RAB44: variants seen among roughly 807,000 people sequenced by gnomAD.
RAB44 encodes the protein ras-related protein Rab-44.
A neutral mutation model predicts 93.3 loss-of-function variants in RAB44; 67 were observed. That is an observed-to-expected ratio of 0.72 (90% CI 0.59 to 0.88). The LOEUF is 0.88. Among genes scored for constraint, RAB44 ranks in the 40% least tolerant of loss-of-function variants. RAB44 has a pLI of 0.00. For synonymous variants in RAB44, 427 were observed against 520.3 expected, an observed-to-expected ratio of 0.82 and a Z score of 2.44; for missense variants, 1,064 against 1,261.7, an observed-to-expected ratio of 0.84 and a Z score of 2.37.
rs564611550 is a variant in RAB44 at position 36,718,090 on chromosome 6, G to T, written c.704G>T (p.Arg235Leu). 4.1e-6 allele frequency: 5 copies of T among 1,232,218 alleles called. No homozygotes were observed. Among genetic ancestry groups the T allele is most frequent in the Non-Finnish European group, 5.1e-6 (5 of 988,136 alleles). The allele number at this position is 1,232,218 out of a possible 1,614,324, so 76.3% of individuals were successfully genotyped here. The stretch of plus-strand genomic sequence containing the variant: ...TATGAGGAGATGGAGCAGCAGATCC[G>T]CCAGGAGAAGCAGCAGCTGCAGGCT... ...QLYEEMEQQI[R>L]QEKQQLQAES... Residue 235 changes from arginine to leucine, a missense_variant, in exon 6 of 14, where the codon CGC becomes CTC. By Grantham distance (102) the Arg-to-Leu change is moderately radical. Coordinates refer to ENST00000612677, the MANE Select transcript of RAB44 (RefSeq NM_001257357.2).
chr6:36,726,050 A>G lies in RAB44; in HGVS notation c.2681+107A>G, dbSNP rs578060313. The G allele has an allele frequency of 4.9e-6, 4 of 810,998 alleles. No individual in the cohort carries two copies. In the East Asian group the frequency reaches 8.2e-5, roughly 17 times the overall value. The allele number at this position is 810,998 out of a possible 1,614,324, so 50.2% of individuals were successfully genotyped here. A position where few individuals can be genotyped will look rare whatever the true frequency, so the allele number is the denominator to read the frequency against. ...ACAGGCAGGAGGCAACTGCCCCCCA[A>G]GGATTCAGGAGGTCAGGGAAGGAGA... On this transcript the variant is annotated intron_variant, in intron 10 of 13. Coordinates refer to ENST00000612677, the MANE Select transcript of RAB44 (RefSeq NM_001257357.2).
At chr6:36,727,551 T>C (rs1190197468) in intron 10 of RAB44, 26 bp from the exon 11 acceptor site, 1 of 1,512,900 alleles carries the variant, frequency 6.6e-7, no homozygotes, top group Admixed American at 2.0e-5. Flanking sequence ...ATGCCTGGTG[T>C]GGCCTCATGC....
At chr6:36,713,966 G>T (rs1762848744) in intron 3 of RAB44, 27 bp downstream of exon 3, 9 of 1,413,438 alleles carry the variant, frequency 6.4e-6, no homozygotes, top group South Asian at 1.2e-5. Context: ...AGGGCCTCTG[G>T]GCACCCAGGT....
At position 36,732,078 on chromosome 6, in the gene RAB44, C is replaced by T. The variant is rs540747034; in HGVS notation, c.3051C>T (p.Phe1017=). Residue 1017 remains phenylalanine (F), a synonymous_variant, in exon 14 of 14, where the codon TTC becomes TTT. Coordinates refer to ENST00000612677, the MANE Select transcript of RAB44 (RefSeq NM_001257357.2). ...KVAPKRPPKR[F]GCCS Reference sequence around the variant, plus strand: ...CCCCCAAGAGGCCGCCCAAGAGATTCGGCTGTTGCTCCTGATCACCTGTCC... The same window carrying T: ...CCCCCAAGAGGCCGCCCAAGAGATTTGGCTGTTGCTCCTGATCACCTGTCC... 1.1e-5 allele frequency: 13 copies of T among 1,234,386 alleles called. No homozygotes were observed. The African/African-American group carries it at 1.2e-4, about 12-fold the overall frequency. 76.5% of individuals were successfully genotyped at this position (1,234,386 alleles called of 1,614,324 possible).
At chr6:36,720,258 A>G in intron 7 of RAB44, 105 bp from the exon 8 acceptor site, 1 of 982,554 alleles carries the variant, frequency 1.0e-6, no homozygotes, top group African/African-American at 1.7e-5. Flanking sequence ...GGTCTCCAGG[A>G]GCCTGGACAG....
intron 9 of RAB44, among the ~76,000 whole-genome samples, chr6:36,723,524 C>T (rs1582640097): frequency 6.6e-6 from 1 of 152,116 alleles, no homozygotes; most frequent in South Asian, 2.1e-4. Context: ...GGCCACTGAA[C>T]CCTGTACAGA....
Position 36,717,455 on chromosome 6 carries a change from G to A in RAB44, c.641+36G>A, listed in dbSNP as rs546070498. 25 of 1,231,936 alleles carry A rather than the reference G, an allele frequency of 2.0e-5. 1 individual carries two copies. The African/African-American group carries it at 2.9e-4, about 15-fold the overall frequency. 76.3% of individuals were successfully genotyped at this position (1,231,936 alleles called of 1,614,324 possible). A position where few individuals can be genotyped will look rare whatever the true frequency, so the allele number is the denominator to read the frequency against. The stretch of plus-strand genomic sequence containing the variant: ...GGCCTGGCCGGGTGTCTGATACGAA[G>A]TAGGTGCTCTTCACATTCCAGTGGA... On this transcript the variant is annotated intron_variant, in intron 5 of 13. Transcript: ENST00000612677. The surrounding 1 kb of genome is among the most constrained non-coding windows in gnomAD (Gnocchi z 4.1).
rs750210739 is a variant in RAB44 at position 36,732,156 on chromosome 6, C to T, written c.*63C>T. The T allele has an allele frequency of 6.1e-5, 66 of 1,087,874 alleles. No individual in the cohort carries two copies. Among genetic ancestry groups the T allele is most frequent in the Non-Finnish European group, 7.7e-5 (66 of 855,046 alleles). 67.4% of individuals were successfully genotyped at this position (1,087,874 alleles called of 1,614,324 possible). A position where few individuals can be genotyped will look rare whatever the true frequency, so the allele number is the denominator to read the frequency against. Reference sequence around the variant, plus strand: ...GGTTTCCTGTCCCTCAGCTCCTGTCCTTTGTTCCTGGACAGCAACGACACA... The same window carrying T: ...GGTTTCCTGTCCCTCAGCTCCTGTCTTTTGTTCCTGGACAGCAACGACACA... On this transcript the variant is annotated 3_prime_UTR_variant, in exon 14 of 14. Transcript: ENST00000612677.
intron 1 of RAB44, among the ~76,000 whole-genome samples, chr6:36,699,275 T>A (rs892973625): frequency 1.3e-5 from 2 of 151,806 alleles, no homozygotes; most frequent in African/African-American, 4.8e-5. Context: ...GCTGTGGAGG[T>A]GTAGCTTGGC....
At chr6:36,716,011 C>T (rs1762911305) in intron 4 of RAB44, among the ~76,000 whole-genome samples, 1 of 152,208 alleles carries the variant, frequency 6.6e-6, no homozygotes, top group South Asian at 2.1e-4. Flanking sequence ...ATTCTTAAAA[C>T]CATGGGGGTC....
At position 36,717,662 on chromosome 6, in the gene RAB44, G is replaced by T. The variant is rs1437845123; in HGVS notation, c.641+243G>T. Among the ~76,000 whole-genome samples the T allele has an allele frequency of 1.3e-5, 2 of 151,644 alleles. No homozygotes were observed. Among genetic ancestry groups the T allele is most frequent in the African/African-American group, 2.4e-5 (1 of 41,304 alleles). On this transcript the variant is annotated intron_variant, in intron 5 of 13. Coordinates refer to ENST00000612677, the MANE Select transcript of RAB44 (RefSeq NM_001257357.2). This position sits in a 1 kb window ranked among gnomAD's most constrained non-coding sequence, Gnocchi z 4.1. ...CCCACTGTGACGCCCAACTCCAGGG[G>T]GCCTGCTCCCGTAGACTGTAATGCA...
intron 9 of RAB44, among the ~76,000 whole-genome samples, chr6:36,723,611 G>A (rs236475): frequency 0.52 from 79,104 of 151,250 alleles, 21,944 homozygotes; most frequent in Non-Finnish European, 0.63. Flanking sequence ...TGAGGCGGGC[G>A]GATCACAAGG....
At chr6:36,710,230 T>A (rs1480283659) in intron 2 of RAB44, among the ~76,000 whole-genome samples, 1 of 152,182 alleles carries the variant, frequency 6.6e-6, no homozygotes, top group Non-Finnish European at 1.5e-5. Context: ...CCCCTGGCTA[T>A]CCCTAGTCTA....
Position 36,731,504 on chromosome 6 carries a change from G to A in RAB44, c.2976-499G>A, listed in dbSNP as rs754450187. Among the ~76,000 whole-genome samples the A allele has an allele frequency of 1.3e-5, 2 of 152,146 alleles. No homozygotes were observed. Among genetic ancestry groups the A allele is most frequent in the African/African-American group, 2.4e-5 (1 of 41,416 alleles). On this transcript the variant is annotated intron_variant, in intron 13 of 13. Transcript: ENST00000612677. This position sits in a 1 kb window ranked among gnomAD's most constrained non-coding sequence, Gnocchi z 4.0. ...ATCTGGCACACAGTAAATATATCAC[G>A]AAGAAATGAATGGACTTCTTTTGCT...
At position 36,729,816 on chromosome 6, in the gene RAB44, A is replaced by G. The variant is rs534526106; in HGVS notation, c.2899-857A>G. On this transcript the variant is annotated intron_variant, in intron 12 of 13. Transcript: ENST00000612677. ...AAAAGTAGTAACTCATCCCTTTGAC[A>G]TAGTAATTTATCCTCTAGCAATTTA... Among the ~76,000 whole-genome samples, 3 of 152,314 alleles carry G rather than the reference A, an allele frequency of 2.0e-5. No individual in the cohort carries two copies. The East Asian group carries it at 5.8e-4, about 29-fold the overall frequency.
intron 1 of RAB44, among the ~76,000 whole-genome samples, chr6:36,700,887 G>C (rs919838628): frequency 4.6e-5 from 7 of 152,224 alleles, no homozygotes; most frequent in African/African-American, 1.4e-4. Context: ...CCCCTCTTAG[G>C]GGGGATGGGG....
chr6:36,713,828 G>A lies in RAB44; in HGVS notation c.208G>A (p.Val70Met). 2 of 1,533,496 alleles carry A rather than the reference G, an allele frequency of 1.3e-6. No homozygotes were observed. The highest frequency in any genetic ancestry group is 2.4e-5 in the East Asian group (1 of 40,914). The allele number at this position is 1,533,496 out of a possible 1,614,324, so 95.0% of individuals were successfully genotyped here. ...TGCCCAACTTGCCCATTCCTTCCAG[G>A]TGGCCAAGTTCAGCTTCCTGGGCAG... is the stretch of plus-strand genomic sequence containing the variant. The part of the protein sequence containing the change: ...RGFVTREDLA[V>M]AKFSFLGSKE... Residue 70 changes from valine (V) to methionine (M), a missense_variant and splice_region_variant, in exon 3 of 14, where the codon GTG becomes ATG. Physicochemically the swap from Val to Met is conservative, Grantham distance 21 (BLOSUM62 1). Transcript: ENST00000612677.
Position 36,718,127 on chromosome 6 carries a change from C to T in RAB44, c.732+9C>T. Reference sequence around the variant, plus strand: ...AGCAGCTGCAGGCTGAGGTGGGCTCCCGCCGGCAGCCTGCCTCCTTCCCAC... The same window carrying T: ...AGCAGCTGCAGGCTGAGGTGGGCTCTCGCCGGCAGCCTGCCTCCTTCCCAC... On this transcript the variant is annotated intron_variant, in intron 6 of 13. Coordinates refer to ENST00000612677, the MANE Select transcript of RAB44 (RefSeq NM_001257357.2). 2 of 1,231,696 alleles carry T rather than the reference C, an allele frequency of 1.6e-6. No individual in the cohort carries two copies. Among genetic ancestry groups the T allele is most frequent in the Non-Finnish European group, 2.0e-6 (2 of 987,526 alleles). The allele number at this position is 1,231,696 out of a possible 1,614,324, so 76.3% of individuals were successfully genotyped here.
Position 36,730,720 on chromosome 6 carries a change from C to T in RAB44, c.2946C>T (p.Asn982=). The change falls in exon 13 of 14, where the codon AAC becomes AAT. Residue 982 remains asparagine, a synonymous_variant. Transcript: ENST00000612677. ...AGTGCAGTGCCGCCTTGGGTCACAA[C>T]ATCCTGGAGCCTGTAGTAAACCTGG... ...FGECSAALGH[N]ILEPVVNLAR... The T allele has an allele frequency of 1.6e-6, 2 of 1,234,310 alleles. No homozygotes were observed. Among genetic ancestry groups the T allele is most frequent in the Non-Finnish European group, 2.0e-6 (2 of 988,368 alleles). The allele number at this position is 1,234,310 out of a possible 1,614,324, so 76.5% of individuals were successfully genotyped here.
Sources: gnomAD v4.1 joint callset for allele counts (sites outside exome capture counted in the v4.1 genomes callset) on GRCh38, gnomAD v4.1.1 for gene constraint, Gnocchi (gnomAD v3.1) non-coding constraint, MANE v1.5 for transcripts, NCBI Gene and HGNC (gene_info 2026-07-23, HGNC 2026-07-21) for gene names.